The following PCDH15 variants were observed in gnomAD, a reference collection of about 807,000 sequenced individuals.
The protein encoded by PCDH15 is protocadherin related 15, also known as protocadherin-15.
In PCDH15, 129 loss-of-function variants were observed where a neutral mutation model predicts 178.5. The observed-to-expected ratio is 0.72, with a 90% CI of 0.63 to 0.84. The LOEUF is 0.84. PCDH15 is among the 40% of genes least tolerant of loss of function. The probability of loss-of-function intolerance (pLI) is 0.00; values close to 1 mark genes in which losing one functional copy is unlikely to be tolerated. For missense variants in PCDH15, 2,230 were observed against 2,099.9 expected, an observed-to-expected ratio of 1.06 and a Z score of -1.21; for synonymous variants, 800 against 732.0, an observed-to-expected ratio of 1.09 and a Z score of -1.50.
chr10:55,530,195 G>A (rs1331966231), intron 2 of PCDH15, among the ~76,000 whole-genome samples: 3 of 151,658 alleles, frequency 2.0e-5, no homozygotes, highest in Non-Finnish European at 4.4e-5. Context: ...GTCGGCTTTT[G>A]AGCAGAACCC....
intron 1 of PCDH15, among the ~76,000 whole-genome samples, chr10:54,786,302 A>G (rs918256669): frequency 1.3e-5 from 2 of 152,064 alleles, no homozygotes; most frequent in African/African-American, 4.8e-5. Context: ...ATACATAATC[A>G]GCAAGAACAG....
intron 1 of PCDH15, among the ~76,000 whole-genome samples, chr10:54,667,390 G>A (rs1187478594): frequency 1.3e-5 from 2 of 152,022 alleles, no homozygotes; most frequent in Admixed American, 6.6e-5. Flanking sequence ...AAGAGATTGT[G>A]TAAATGACTA....
At chr10:55,549,654 T>G (rs1162369070) in intron 2 of PCDH15, among the ~76,000 whole-genome samples, 2 of 152,192 alleles carry the variant, frequency 1.3e-5, no homozygotes, top group Non-Finnish European at 2.9e-5. Flanking sequence ...TTCGGTTGTC[T>G]TTGGCTGATG....
chr10:54,148,398 C>T (rs1173727454), intron 14 of PCDH15, among the ~76,000 whole-genome samples: 3 of 151,974 alleles, frequency 2.0e-5, no homozygotes, highest in Middle Eastern at 3.2e-3. Context: ...TTGTCTCATA[C>T]ACTTTAAATC....
At chr10:54,669,959 T>A (rs1264975413) in intron 1 of PCDH15, among the ~76,000 whole-genome samples, 2 of 151,786 alleles carry the variant, frequency 1.3e-5, no homozygotes, top group Non-Finnish European at 2.9e-5. Context: ...GAGGCTGAGG[T>A]AGAAGAATCG....
At chr10:54,922,458 C>T (rs1377782758) in intron 2 of PCDH15, among the ~76,000 whole-genome samples, 1 of 152,082 alleles carries the variant, frequency 6.6e-6, no homozygotes, top group African/African-American at 2.4e-5. Flanking sequence ...AAGTATTTTA[C>T]AGGCTCATAT....
At chr10:54,415,640 T>C (rs977964950) in intron 3 of PCDH15, among the ~76,000 whole-genome samples, 1 of 151,908 alleles carries the variant, frequency 6.6e-6, no homozygotes, top group Non-Finnish European at 1.5e-5. Context: ...ATCAAAAAAA[T>C]TCAAAGATTA....
intron 13 of PCDH15, among the ~76,000 whole-genome samples, chr10:54,171,405 G>T (rs942893619): frequency 6.6e-6 from 1 of 152,214 alleles, no homozygotes; most frequent in South Asian, 2.1e-4. Context: ...GCCCATTTGA[G>T]CGGTATAGAT....
chr10:54,618,039 A>C (rs995959916), intron 2 of PCDH15, among the ~76,000 whole-genome samples: 2 of 152,056 alleles, frequency 1.3e-5, no homozygotes, highest in African/African-American at 4.8e-5. Flanking sequence ...TGTTTTCAAG[A>C]TATATTAGAA....
chr10:54,560,009 A>C (rs2087888948), intron 2 of PCDH15, among the ~76,000 whole-genome samples: 1 of 152,048 alleles, frequency 6.6e-6, no homozygotes, highest in Non-Finnish European at 1.5e-5. Context: ...TTGGGAAAAG[A>C]GATCAATTTA....
At chr10:54,660,542 G>T (rs1044636072) in intron 2 of PCDH15, among the ~76,000 whole-genome samples, 2 of 152,044 alleles carry the variant, frequency 1.3e-5, no homozygotes, top group Admixed American at 1.3e-4. Context: ...CATAGAAAGA[G>T]CTAGTACCCA....
chr10:55,614,463 C>A (rs1182636761), intron 2 of PCDH15, among the ~76,000 whole-genome samples: 1 of 152,102 alleles, frequency 6.6e-6, no homozygotes, highest in African/African-American at 2.4e-5. Context: ...GGAATTTGTT[C>A]TACTGTTTTA....
intron 5 of PCDH15, among the ~76,000 whole-genome samples, chr10:54,362,857 T>C (rs1946262349): frequency 1.3e-5 from 2 of 152,106 alleles, no homozygotes; most frequent in Admixed American, 1.3e-4. Flanking sequence ...ATATAGTTCA[T>C]ATTTATCAAG....
intron 2 of PCDH15, among the ~76,000 whole-genome samples, chr10:54,974,357 A>G (rs1021896945): frequency 2.6e-5 from 4 of 152,048 alleles, no homozygotes; most frequent in African/African-American, 9.7e-5. Flanking sequence ...TACATGATAT[A>G]TGTATGCATA....
intron 25 of PCDH15, among the ~76,000 whole-genome samples, chr10:53,920,904 C>T (rs1233635439): frequency 6.6e-6 from 1 of 150,508 alleles, no homozygotes; most frequent in Non-Finnish European, 1.5e-5. Context: ...CCTTGAAAAA[C>T]ACAGTCTAAT....
intron 2 of PCDH15, among the ~76,000 whole-genome samples, chr10:54,965,698 T>A (rs1838768546): frequency 1.3e-5 from 2 of 149,854 alleles, no homozygotes; most frequent in African/African-American, 4.9e-5. Flanking sequence ...TTTTTTTTCA[T>A]AAGAAAACCA....
chr10:55,217,048 A>G (rs1840724316), intron 1 of PCDH15, among the ~76,000 whole-genome samples: 1 of 151,908 alleles, frequency 6.6e-6, no homozygotes, highest in South Asian at 2.1e-4. Context: ...ACATACATGC[A>G]ACATATAAAA....
chr10:53,974,277 A>T (rs1162406031), intron 21 of PCDH15, among the ~76,000 whole-genome samples: 1 of 152,166 alleles, frequency 6.6e-6, no homozygotes, highest in Non-Finnish European at 1.5e-5. Context: ...GGCTTCCCAG[A>T]GTGTTGGGAT....
At chr10:55,365,148 A>T (rs978711235) in intron 2 of PCDH15, among the ~76,000 whole-genome samples, 1 of 152,014 alleles carries the variant, frequency 6.6e-6, no homozygotes, top group African/African-American at 2.4e-5. Context: ...AATGTGTCAG[A>T]CTTCCTCAAT....
Sources: allele counts gnomAD v4.1 joint callset (sites outside exome capture counted in the v4.1 genomes callset), GRCh38; gene constraint gnomAD v4.1.1; transcripts MANE v1.5; gene names NCBI Gene and HGNC (gene_info 2026-07-23, HGNC 2026-07-21).